Variants in GLIS3 observed in about 807,000 individuals in gnomAD.
The protein encoded by GLIS3 is GLIS family zinc finger 3.
A neutral mutation model predicts 78.6 loss-of-function variants in GLIS3; 53 were observed. That is an observed-to-expected ratio of 0.67 (90% confidence interval 0.54 to 0.85). GLIS3 has a LOEUF of 0.85. Ranked by LOEUF, GLIS3 falls within the 40% of genes least tolerant of loss-of-function variation. The pLI is 0.00. For synonymous variants in GLIS3, 684 were observed against 509.9 expected, an observed-to-expected ratio of 1.34 and a Z score of -4.60; for missense variants, 1,703 against 1,231.1, an observed-to-expected ratio of 1.38 and a Z score of -5.74.
the GLIS3 span, among the ~76,000 whole-genome samples, chr9:4,380,684 T>C: frequency 1.3e-5 from 2 of 152,220 alleles, no homozygotes; most frequent in African/African-American, 4.8e-5. Flanking sequence ...TCTTTGAGAA[T>C]ACTTTGAGAA....
the GLIS3 span, among the ~76,000 whole-genome samples, chr9:4,380,540 G>C: frequency 6.6e-6 from 1 of 152,178 alleles, no homozygotes; most frequent in South Asian, 2.1e-4. Context: ...TGCATAATCA[G>C]AATCACATAG....
chr9:4,066,348 G>T (rs1008903875), intron 4 of GLIS3, among the ~76,000 whole-genome samples: 1 of 152,076 alleles, frequency 6.6e-6, no homozygotes, highest in Non-Finnish European at 1.5e-5. Context: ...GAAATCCTCT[G>T]GAGTGCATAT....
At chr9:4,248,954 T>C (rs1314108710) in intron 2 of GLIS3, among the ~76,000 whole-genome samples, 1 of 152,208 alleles carries the variant, frequency 6.6e-6, no homozygotes, top group Non-Finnish European at 1.5e-5. Flanking sequence ...TGTGGCATTA[T>C]TTCTGAGGCC....
At chr9:4,149,514 G>A (rs562152628) in intron 2 of GLIS3, among the ~76,000 whole-genome samples, 15 of 152,308 alleles carry the variant, frequency 9.8e-5, no homozygotes, top group South Asian at 2.1e-4. Flanking sequence ...ACACTCACGC[G>A]GAGCCTCCAA....
intron 1 of GLIS3, among the ~76,000 whole-genome samples, chr9:4,292,927 T>C (rs1352928081): frequency 1.3e-5 from 2 of 152,210 alleles, no homozygotes; most frequent in Non-Finnish European, 2.9e-5. Context: ...TTCCTGATGA[T>C]GTCACTGCTG....
chr9:3,859,347 CG>C (rs1563784323), intron 8 of GLIS3, among the ~76,000 whole-genome samples: 4 of 137,400 alleles, frequency 2.9e-5, no homozygotes, highest in South Asian at 2.4e-4. Flanking sequence ...CCTGTTTCTT[CG>C]AAACACACAC....
intron 2 of GLIS3, among the ~76,000 whole-genome samples, chr9:4,243,137 C>T (rs1209032743): frequency 6.6e-6 from 1 of 152,114 alleles, no homozygotes; most frequent in Non-Finnish European, 1.5e-5. Flanking sequence ...GAGAAACAAC[C>T]CTAGGGAGAC....
intron 8 of GLIS3, among the ~76,000 whole-genome samples, chr9:3,869,187 G>C (rs1820810457): frequency 6.6e-6 from 1 of 152,116 alleles, no homozygotes; most frequent in African/African-American, 2.4e-5. Flanking sequence ...GGTAGATTTT[G>C]ATATGCTTAA....
chr9:3,874,181 C>A (rs1377799611), intron 8 of GLIS3, among the ~76,000 whole-genome samples: 1 of 152,190 alleles, frequency 6.6e-6, no homozygotes, highest in Non-Finnish European at 1.5e-5. Context: ...TCAGCCTCAA[C>A]CCCCAAACTC....
intron 4 of GLIS3, among the ~76,000 whole-genome samples, chr9:4,055,095 A>C (rs1826037632): frequency 6.6e-6 from 1 of 152,212 alleles, no homozygotes; most frequent in African/African-American, 2.4e-5. Flanking sequence ...GAAAGAAGGC[A>C]ATGCCTTTTT....
intron 9 of GLIS3, among the ~76,000 whole-genome samples, chr9:3,838,592 G>C (rs1019540768): frequency 1.4e-4 from 21 of 152,184 alleles, no homozygotes; most frequent in African/African-American, 5.1e-4. Flanking sequence ...ACACAGCCTA[G>C]GAGTGGGAGG....
chr9:4,398,528 C>T, the GLIS3 span, among the ~76,000 whole-genome samples: 2 of 151,968 alleles, frequency 1.3e-5, no homozygotes, highest in African/African-American at 4.8e-5. Flanking sequence ...AACATTGCCT[C>T]CTTCTTCTTT....
chr9:3,914,871 G>GC (rs1824394917), intron 6 of GLIS3, among the ~76,000 whole-genome samples: 2 of 152,178 alleles, frequency 1.3e-5, no homozygotes, highest in Non-Finnish European at 2.9e-5. Flanking sequence ...CTTTAGCACT[G>GC]CCCCAAAGTC....
the GLIS3 span, among the ~76,000 whole-genome samples, chr9:4,461,932 G>C: frequency 6.6e-6 from 1 of 152,150 alleles, no homozygotes; most frequent in Non-Finnish European, 1.5e-5. Context: ...GGGCTTTGTA[G>C]ATTGTTTTAC....
In GLIS3 at chr9:3,921,923, T is replaced by TACACACACACACACTCATACTGTGTACAC. The variant is rs1554647303; in HGVS notation, c.1983+10436_1983+10437insGTGTACACAGTATGAGTGTGTGTGTGTGT. On this transcript the variant is annotated intron_variant, in intron 6 of 10. Transcript: ENST00000381971. The stretch of plus-strand genomic sequence containing the variant: ...TCTATTATTCATCCATCATACTGTG[T>TACACACACACACACTCATACTGTGTACAC]ACACACACACACACACACACACACT... Among the ~76,000 whole-genome samples, 14 of 149,870 alleles carry TACACACACACACACTCATACTGTGTACAC rather than the reference T, an allele frequency of 9.3e-5. 1 individual carries two copies. Among genetic ancestry groups the TACACACACACACACTCATACTGTGTACAC allele is most frequent in the African/African-American group, 3.4e-4 (14 of 40,790 alleles).
intron 6 of GLIS3, among the ~76,000 whole-genome samples, chr9:3,902,449 T>TA: frequency 6.6e-6 from 1 of 152,232 alleles, no homozygotes; most frequent in Non-Finnish European, 1.5e-5. Flanking sequence ...AACATAGTTT[T>TA]ATATTTGGAA....
At chr9:4,180,856 T>C (rs1350038967) in intron 2 of GLIS3, among the ~76,000 whole-genome samples, 1 of 152,134 alleles carries the variant, frequency 6.6e-6, no homozygotes, top group Non-Finnish European at 1.5e-5. Flanking sequence ...TTTGCTCCGA[T>C]CCACCCAAGC....
chr9:4,188,212 G>A (rs1216405219), intron 2 of GLIS3, among the ~76,000 whole-genome samples: 1 of 151,654 alleles, frequency 6.6e-6, no homozygotes, highest in African/African-American at 2.4e-5. Flanking sequence ...ATGAAGGGTT[G>A]TTGAATTTTG....
chr9:3,904,553 C>T (rs1823532531), intron 6 of GLIS3, among the ~76,000 whole-genome samples: 1 of 152,168 alleles, frequency 6.6e-6, no homozygotes, highest in Admixed American at 6.5e-5. Context: ...GATACTATTA[C>T]AATGTGCTTT....
Sources: allele counts gnomAD v4.1 joint callset (sites outside exome capture counted in the v4.1 genomes callset), GRCh38; gene constraint gnomAD v4.1.1; transcripts MANE v1.5; gene names NCBI Gene and HGNC (gene_info 2026-07-23, HGNC 2026-07-21).